Variants in PEX5L observed in about 807,000 individuals in gnomAD.
The protein encoded by PEX5L is peroxisomal biogenesis factor 5 like.
In PEX5L, 30 loss-of-function variants were observed where a neutral mutation model predicts 84.0. The ratio of observed to expected loss-of-function variants is 0.36; its 90% CI spans 0.27 to 0.48. The LOEUF (loss-of-function observed/expected upper bound fraction) is 0.48. PEX5L is among the 20% of genes least tolerant of loss of function. The probability of loss-of-function intolerance (pLI) is 0.99; values close to 1 mark genes in which losing one functional copy is unlikely to be tolerated. For synonymous variants in PEX5L, 270 were observed against 283.1 expected, an observed-to-expected ratio of 0.95 and a Z score of 0.46; for missense variants, 533 against 754.6, an observed-to-expected ratio of 0.71 and a Z score of 3.44.
At chr3:179,842,755 A>G (rs1364120954) in intron 8 of PEX5L, among the ~76,000 whole-genome samples, 1 of 152,170 alleles carries the variant, frequency 6.6e-6, no homozygotes, top group East Asian at 1.9e-4. Context: ...GGATGAAAAT[A>G]CGTTGTCCTC....
chr3:179,966,615 C>T (rs1052369366), intron 2 of PEX5L, among the ~76,000 whole-genome samples: 1 of 152,100 alleles, frequency 6.6e-6, no homozygotes, highest in Admixed American at 6.6e-5. Context: ...TTTTCTTGTT[C>T]TTCCATTTTA....
At chr3:180,032,543 A>C (rs1441245058) in intron 1 of PEX5L, among the ~76,000 whole-genome samples, 3 of 152,196 alleles carry the variant, frequency 2.0e-5, no homozygotes, top group African/African-American at 7.2e-5. Context: ...AAGGGTTAAG[A>C]AAGAAAGAAC....
intron 3 of PEX5L, 138 bp from the exon 4 acceptor site, chr3:179,887,922 GGGCA>G: frequency 1.5e-6 from 1 of 683,248 alleles, no homozygotes; most frequent in Non-Finnish European, 2.5e-6. Flanking sequence ...AATGGGGTGG[GGGCA>G]AGAAAGAAAA....
chr3:179,970,246 C>A (rs917178103), intron 2 of PEX5L, among the ~76,000 whole-genome samples: 2 of 151,964 alleles, frequency 1.3e-5, no homozygotes, highest in Non-Finnish European at 2.9e-5. Flanking sequence ...ATAATATACC[C>A]AGGTGTATTT....
chr3:179,990,383 G>A (rs1488043040), intron 1 of PEX5L, among the ~76,000 whole-genome samples: 1 of 148,184 alleles, frequency 6.7e-6, no homozygotes, highest in Non-Finnish European at 1.5e-5. Context: ...TCTCCTCACG[G>A]TATGTCATTC....
chr3:180,036,487 G>A, intron 1 of PEX5L, 92 bp downstream of exon 1: 9 of 1,176,116 alleles, frequency 7.7e-6, no homozygotes, highest in Non-Finnish European at 1.0e-5. Flanking sequence ...TGAGCTGTGC[G>A]AAGGCAGCAC....
At chr3:179,898,054 T>TAA in intron 3 of PEX5L, 88 bp downstream of exon 3, 3 of 784,098 alleles carry the variant, frequency 3.8e-6, no homozygotes, top group Non-Finnish European at 5.9e-6. Flanking sequence ...GTTCAAGAGT[T>TAA]AAAGTTTTTT....
chr3:179,947,029 G>A (rs1000760585), intron 2 of PEX5L, among the ~76,000 whole-genome samples: 71 of 152,290 alleles, frequency 4.7e-4, no homozygotes, highest in African/African-American at 1.5e-3. Flanking sequence ...AAACATGGAC[G>A]CCCTACTTGG....
intron 2 of PEX5L, among the ~76,000 whole-genome samples, chr3:179,926,597 C>G: frequency 6.6e-6 from 1 of 152,160 alleles, no homozygotes; most frequent in East Asian, 1.9e-4. Context: ...CCCTCCATCC[C>G]TTTATCTCGT....
intron 3 of PEX5L, among the ~76,000 whole-genome samples, chr3:179,889,503 T>C (rs144328669): frequency 6.6e-6 from 1 of 152,352 alleles, no homozygotes; most frequent in African/African-American, 2.4e-5. Context: ...TAATTTGTTA[T>C]TGAGGGATGG....
intron 9 of PEX5L, among the ~76,000 whole-genome samples, chr3:179,818,753 A>G (rs1009846675): frequency 6.6e-6 from 1 of 152,016 alleles, no homozygotes; most frequent in Non-Finnish European, 1.5e-5. Context: ...ATGACCTCCA[A>G]TTCCATCCAT....
chr3:179,958,675 G>C (rs1578980453), intron 2 of PEX5L, among the ~76,000 whole-genome samples: 1 of 152,156 alleles, frequency 6.6e-6, no homozygotes, highest in East Asian at 1.9e-4. Flanking sequence ...GAGTAGGTTC[G>C]CTTTAATGAC....
intron 8 of PEX5L, among the ~76,000 whole-genome samples, chr3:179,829,943 ATTTTTTTTTT>A (rs11352022): frequency 4.4e-4 from 37 of 83,634 alleles, no homozygotes; most frequent in African/African-American, 6.3e-4. Flanking sequence ...GGCCTGGCTA[ATTTTTTTTTT>A]TTTTTTTTTT....
intron 8 of PEX5L, among the ~76,000 whole-genome samples, chr3:179,827,086 C>A (rs898453881): frequency 4.6e-5 from 7 of 152,284 alleles, no homozygotes; most frequent in Non-Finnish European, 8.8e-5. Flanking sequence ...CTTTGACAGT[C>A]GATTGCTTCT....
intron 9 of PEX5L, among the ~76,000 whole-genome samples, chr3:179,819,499 A>C (rs1403965480): frequency 1.3e-5 from 2 of 152,232 alleles, no homozygotes; most frequent in Non-Finnish European, 2.9e-5. Context: ...GTAAATCAAC[A>C]GCACTCACAT....
intron 4 of PEX5L, among the ~76,000 whole-genome samples, chr3:179,887,175 G>A (rs968045177): frequency 3.9e-5 from 6 of 152,164 alleles, no homozygotes; most frequent in African/African-American, 7.2e-5. Context: ...TTGTTGTAAC[G>A]GGGAGCAAGT....
At chr3:180,013,850 CT>C (rs1789698073) in intron 1 of PEX5L, among the ~76,000 whole-genome samples, 1 of 152,046 alleles carries the variant, frequency 6.6e-6, no homozygotes, top group Non-Finnish European at 1.5e-5. Context: ...TTTTTTCTAC[CT>C]TTCTTTTTGT....
intron 2 of PEX5L, among the ~76,000 whole-genome samples, chr3:179,952,784 G>A (rs538373645): frequency 9.5e-4 from 145 of 152,180 alleles, no homozygotes; most frequent in Non-Finnish European, 1.7e-3. Context: ...AAAAGAGCCC[G>A]TATAGCCAAG....
At position 179,859,127 on chromosome 3, in the gene PEX5L, T is replaced by C; in HGVS notation, c.757A>G (p.Ser253Gly). The C allele has an allele frequency of 6.2e-7, 1 of 1,613,940 alleles. No individual in the cohort carries two copies. Among genetic ancestry groups the C allele is most frequent in the East Asian group, 2.2e-5 (1 of 44,886 alleles). ...GAGTGGTTTCTAGAAAGTAATGCGC[T>C]TCCCCAGCGATGTTCTTTGGTCAGT... ...ARLTKEHRWGSALLSRNHSLE... is the reference protein window; with the variant it reads ...ARLTKEHRWGGALLSRNHSLE... Residue 253 changes from serine to glycine, a missense_variant, in exon 8 of 15, where the codon AGC becomes GGC. Physicochemically the swap from Ser to Gly is moderately conservative, Grantham distance 56 (BLOSUM62 0). Around this residue, in one of 8 missense-constraint regions of PEX5L, gnomAD observed 259 missense variants for 301.7 expected, o/e 0.86. Coordinates refer to ENST00000467460, the MANE Select transcript of PEX5L (RefSeq NM_016559.3).
Sources: allele counts gnomAD v4.1 joint callset (sites outside exome capture counted in the v4.1 genomes callset), GRCh38; gene constraint gnomAD v4.1.1; regional missense constraint gnomAD v4.1.1; transcripts MANE v1.5; gene names NCBI Gene and HGNC (gene_info 2026-07-23, HGNC 2026-07-21).